The following WRN variants were observed in gnomAD, a reference collection of about 807,000 sequenced individuals.
WRN encodes the protein bifunctional 3'-5' exonuclease/ATP-dependent helicase WRN.
A neutral mutation model predicts 180.7 loss-of-function variants in WRN; 149 were observed. The observed-to-expected ratio is 0.82, with a 90% CI of 0.72 to 0.94. WRN has a LOEUF of 0.94. Among genes scored for constraint, WRN ranks in the 40% least tolerant of loss-of-function variants. The probability of loss-of-function intolerance (pLI) is 0.00; values close to 1 mark genes in which losing one functional copy is unlikely to be tolerated. For synonymous variants in WRN, 548 were observed against 568.9 expected (o/e 0.96, Z 0.52); for missense variants, 1,661 against 1,700.1 (o/e 0.98, Z 0.40).
intron 23 of WRN, among the ~76,000 whole-genome samples, chr8:31,132,119 G>A (rs1204115140): frequency 2.0e-5 from 3 of 152,044 alleles, no homozygotes; most frequent in Non-Finnish European, 4.4e-5. Flanking sequence ...TGCCTCCCAT[G>A]AAACTTGCTT....
At chr8:31,158,165 C>T (rs1278054032) in intron 33 of WRN, among the ~76,000 whole-genome samples, 2 of 152,182 alleles carry the variant, frequency 1.3e-5, no homozygotes, top group Admixed American at 6.5e-5. Context: ...CATTCATTCC[C>T]AGTAGCTTCC....
intron 8 of WRN, among the ~76,000 whole-genome samples, chr8:31,077,265 G>T (rs1191007125): frequency 6.6e-6 from 1 of 151,518 alleles, no homozygotes; most frequent in Non-Finnish European, 1.5e-5. Context: ...TTTTTGAGAC[G>T]AGTCTCGCTT....
At chr8:31,172,308 T>C (rs758745090) in intron 34 of WRN, among the ~76,000 whole-genome samples, 15 of 152,112 alleles carry the variant, frequency 9.9e-5, no homozygotes, top group Admixed American at 3.3e-4. Flanking sequence ...TCACCCAGCC[T>C]TAAATTATTT....
chr8:31,035,513 G>A (rs941467070), intron 1 of WRN, among the ~76,000 whole-genome samples: 1 of 152,112 alleles, frequency 6.6e-6, no homozygotes, highest in Non-Finnish European at 1.5e-5. Context: ...GGAGGTCAGA[G>A]GTCAGGCCAG....
rs201384942 is a variant in WRN at position 31,111,634 on chromosome 8, C to T, written c.2108C>T (p.Thr703Ile). 1 of 1,614,040 alleles carries T rather than the reference C, an allele frequency of 6.2e-7. No homozygotes were observed. Among genetic ancestry groups the T allele is most frequent in the Non-Finnish European group, 8.5e-7 (1 of 1,179,964 alleles). ...ALPMVPIVALTATASSSIRED... is the reference protein window; with the variant it reads ...ALPMVPIVALIATASSSIRED... ...ATTCAGGTTCCAATCGTTGCACTTACTGCTACTGCAAGTTCTTCAATCCGG... is the reference window on the plus strand; with the variant it reads ...ATTCAGGTTCCAATCGTTGCACTTATTGCTACTGCAAGTTCTTCAATCCGG... Residue 703 changes from threonine (T) to isoleucine (I), a missense_variant, in exon 19 of 35, where the codon ACT (threonine) becomes ATT (isoleucine). By Grantham distance (89) the Thr-to-Ile change is moderately conservative (BLOSUM62 -1). Transcript: ENST00000298139.
intron 33 of WRN, among the ~76,000 whole-genome samples, chr8:31,163,742 C>T (rs191712622): frequency 2.6e-5 from 4 of 151,924 alleles, no homozygotes; most frequent in East Asian, 3.9e-4. Flanking sequence ...ACTTATCCTT[C>T]GGTTAATACA....
At chr8:31,072,568 A>G (rs1812951314) in intron 7 of WRN, among the ~76,000 whole-genome samples, 1 of 152,202 alleles carries the variant, frequency 6.6e-6, no homozygotes. Flanking sequence ...CGTGGCCTCA[A>G]GCGATCCTCC....
At chr8:31,071,919 G>A (rs887124134) in intron 7 of WRN, among the ~76,000 whole-genome samples, 1 of 152,244 alleles carries the variant, frequency 6.6e-6, no homozygotes, top group Non-Finnish European at 1.5e-5. Context: ...AAGCAACAGG[G>A]ATGAAAAGCA....
intron 15 of WRN, 37 bp from the exon 16 acceptor site, chr8:31,091,793 G>A: frequency 6.4e-7 from 1 of 1,559,866 alleles, no homozygotes; most frequent in African/African-American, 1.4e-5. Flanking sequence ...TGTGTAATGT[G>A]TACATGGTGC....
intron 3 of WRN, 116 bp from the exon 4 acceptor site, chr8:31,064,173 G>T: frequency 8.8e-7 from 1 of 1,134,302 alleles, no homozygotes; most frequent in Admixed American, 2.1e-5. Context: ...AGTTGTATGT[G>T]CTCCAGATAA....
chr8:31,080,198 T>G (rs566854332), intron 8 of WRN, among the ~76,000 whole-genome samples: 9 of 152,318 alleles, frequency 5.9e-5, no homozygotes, highest in African/African-American at 1.9e-4. Flanking sequence ...TCTTTTAACT[T>G]AAAGTGTTAA....
intron 23 of WRN, among the ~76,000 whole-genome samples, chr8:31,125,474 G>T (rs1801882265): frequency 1.4e-5 from 2 of 141,276 alleles, no homozygotes; most frequent in South Asian, 4.5e-4. Flanking sequence ...TGATGTAAAA[G>T]AATCATTTCA....
chr8:31,059,369 C>T (rs898286356), intron 3 of WRN, 104 bp downstream of exon 3: 11 of 881,154 alleles, frequency 1.2e-5, no homozygotes, highest in Admixed American at 3.7e-5. Context: ...GAGGTGTGTT[C>T]AATAGATAAT....
rs1585483118 is a variant in WRN at position 31,120,276 on chromosome 8, A to G, written c.2482A>G (p.Ile828Val). 1.2e-6 allele frequency: 2 copies of G among 1,612,960 alleles called. No homozygotes were observed. Among genetic ancestry groups the G allele is most frequent in the Non-Finnish European group, 8.5e-7 (1 of 1,179,124 alleles). ...AGCTACCATAGCTTTTGGAATGGGC[A>G]TTAATAAAGCTGACATTCGCCAAGT... The part of the protein sequence containing the change: ...VIATIAFGMG[I>V]NKADIRQVIH... The change falls in exon 21 of 35, where the codon ATT becomes GTT. Residue 828 changes from isoleucine (I) to valine (V), a missense_variant. Ile to Val is a conservative substitution (Grantham distance 29, BLOSUM62 3). Coordinates refer to ENST00000298139, the MANE Select transcript of WRN (RefSeq NM_000553.6).
At chr8:31,122,812 CAAGG>C (rs915745426) in intron 21 of WRN, among the ~76,000 whole-genome samples, 14 of 141,174 alleles carry the variant, frequency 9.9e-5, no homozygotes, top group Non-Finnish European at 1.8e-4. Flanking sequence ...GAACCAAATA[CAAGG>C]AAGGAAGGAC....
In WRN at chr8:31,068,471, A is replaced by C. The variant is rs369892907; in HGVS notation, c.724+144A>C. The C allele has an allele frequency of 8.9e-6, 6 of 672,956 alleles. No individual in the cohort carries two copies. In the African/African-American group the frequency reaches 1.1e-4, roughly 12 times the overall value. 41.7% of individuals were successfully genotyped at this position (672,956 alleles called of 1,614,324 possible). On this transcript the variant is annotated intron_variant, in intron 7 of 34. Coordinates refer to ENST00000298139, the MANE Select transcript of WRN (RefSeq NM_000553.6). ...CAGTCCTGACATTAGGGTGGGATCC[A>C]TCAGGGCCCAAGATGAGTGTTTCAT... is the stretch of plus-strand genomic sequence containing the variant.
At chr8:31,064,142 A>AT (rs1812602105) in intron 3 of WRN, 147 bp from the exon 4 acceptor site, 4 of 796,422 alleles carry the variant, frequency 5.0e-6, no homozygotes, top group East Asian at 2.8e-5. Context: ...AATTTTACAT[A>AT]TTTTCTGGCT....
intron 23 of WRN, among the ~76,000 whole-genome samples, chr8:31,129,006 TACAGGCTGTCAC>T (rs369919148): frequency 2.9e-3 from 440 of 152,314 alleles, no homozygotes; most frequent in African/African-American, 9.8e-3. Flanking sequence ...ATAGGGTCAC[TACAGGCTGTCAC>T]ACAGGCTGGA....
At chr8:31,112,625 C>T (rs1167560782) in intron 19 of WRN, among the ~76,000 whole-genome samples, 4 of 152,040 alleles carry the variant, frequency 2.6e-5, no homozygotes, top group African/African-American at 7.2e-5. Flanking sequence ...CTTGCTCTGT[C>T]ACCCAGGCTG....
Sources: allele counts gnomAD v4.1 joint callset (sites outside exome capture counted in the v4.1 genomes callset), GRCh38; gene constraint gnomAD v4.1.1; transcripts MANE v1.5; gene names NCBI Gene and HGNC (gene_info 2026-07-23, HGNC 2026-07-21).